The following SUPT3H variants were observed in gnomAD, a reference collection of about 807,000 sequenced individuals.
SUPT3H encodes the protein SPT3 homolog, SAGA and STAGA complex component.
In SUPT3H, 44 loss-of-function variants were observed where a neutral mutation model predicts 44.3. The ratio of observed to expected loss-of-function variants is 0.99; its 90% CI spans 0.78 to 1.28. SUPT3H has a LOEUF of 1.28. SUPT3H is among the 50% of genes most tolerant of loss of function. The pLI is 0.00. For missense variants in SUPT3H, 380 were observed against 387.1 expected, an observed-to-expected ratio of 0.98 and a Z score of 0.15; for synonymous variants, 124 against 125.6, an observed-to-expected ratio of 0.99 and a Z score of 0.09.
intron 10 of SUPT3H, among the ~76,000 whole-genome samples, chr6:44,887,372 A>G (rs1440988464): frequency 6.6e-6 from 1 of 152,228 alleles, no homozygotes; most frequent in Non-Finnish European, 1.5e-5. Flanking sequence ...TTGGAAATAA[A>G]GCTCTCCTCA....
chr6:45,355,767 A>G (rs1793039526), intron 2 of SUPT3H, among the ~76,000 whole-genome samples: 1 of 152,218 alleles, frequency 6.6e-6, no homozygotes, highest in African/African-American at 2.4e-5. Flanking sequence ...GGCAGAATAA[A>G]AAATACTATC....
intron 10 of SUPT3H, among the ~76,000 whole-genome samples, chr6:44,853,376 A>T (rs148817412): frequency 6.6e-5 from 10 of 152,278 alleles, no homozygotes; most frequent in Admixed American, 1.3e-4. Context: ...AATAAATGCA[A>T]GTGGTGCATG....
Position 45,296,738 on chromosome 6 carries a change from CAAAAAAAAAA to C in SUPT3H, c.101+68453_101+68462del, listed in dbSNP as rs60921436. Among the ~76,000 whole-genome samples the C allele has an allele frequency of 8.1e-4, 24 of 29,702 alleles. 2 individuals are homozygous for C. The highest frequency in any genetic ancestry group is 4.7e-4 in the Non-Finnish European group (7 of 14,834). The allele number at this position is 29,702 out of a possible 152,430, so 19.5% of individuals were successfully genotyped here. On this transcript the variant is annotated intron_variant, in intron 2 of 10. Coordinates refer to ENST00000371459, the MANE Select transcript of SUPT3H (RefSeq NM_003599.4). The stretch of plus-strand genomic sequence containing the variant: ...TGGCCAACAGAGTAAGACTCTGTCT[CAAAAAAAAAA>C]AAAAAAAAAAAAAAAATTACAAATA...
chr6:45,005,255 T>C (rs1782546589), intron 5 of SUPT3H, among the ~76,000 whole-genome samples: 1 of 152,188 alleles, frequency 6.6e-6, no homozygotes, highest in African/African-American at 2.4e-5. Flanking sequence ...TTTTCCCATA[T>C]GTTTGTTAGC....
Position 45,012,351 on chromosome 6 carries a change from AT to A in SUPT3H, c.364+2449del, listed in dbSNP as rs1783608422. 2.0e-5 allele frequency among the ~76,000 whole-genome samples: 3 copies of A among 151,070 alleles called. No homozygotes were observed. The South Asian group carries it at 6.3e-4, about 32-fold the overall frequency. On this transcript the variant is annotated intron_variant, in intron 5 of 10. Transcript: ENST00000371459. ...CTGAAGCTGTTAATTTTTCTTTATTATTTTTTCACTTTTTTCTTCAGATTGT... is the reference window on the plus strand; with the variant it reads ...CTGAAGCTGTTAATTTTTCTTTATTATTTTTCACTTTTTTCTTCAGATTGT...
rs185452167 is a variant in SUPT3H, at chr6:45,031,819, A to C, written c.187-11187T>G. ...TGCTCTAAGGGAAACTCACTTAGTC[A>C]TACCAGTGGAAATAGCAACCAGCTC... is the stretch of plus-strand genomic sequence containing the variant. On this transcript the variant is annotated intron_variant, in intron 3 of 10. Coordinates refer to ENST00000371459, the MANE Select transcript of SUPT3H (RefSeq NM_003599.4). Among the ~76,000 whole-genome samples, 10 of 152,336 alleles carry C rather than the reference A, an allele frequency of 6.6e-5. No homozygotes were observed. In the East Asian group the frequency reaches 1.7e-3, roughly 26 times the overall value.
intron 6 of SUPT3H, among the ~76,000 whole-genome samples, chr6:44,962,068 T>G (rs1287287463): frequency 1.3e-5 from 2 of 152,158 alleles, no homozygotes; most frequent in East Asian, 3.8e-4. Context: ...AAACTAAAAC[T>G]AAAGGACCTC....
At chr6:45,375,378 G>C (rs1431092379) in intron 1 of SUPT3H, among the ~76,000 whole-genome samples, 2 of 152,120 alleles carry the variant, frequency 1.3e-5, no homozygotes, top group Non-Finnish European at 2.9e-5. Context: ...GGAACAATCA[G>C]GCTTTATACT....
At chr6:45,014,456 C>G (rs1324381447) in intron 5 of SUPT3H, among the ~76,000 whole-genome samples, 1 of 152,104 alleles carries the variant, frequency 6.6e-6, no homozygotes, top group Non-Finnish European at 1.5e-5. Flanking sequence ...AACTGACCCT[C>G]AAGGTCACAC....
intron 2 of SUPT3H, among the ~76,000 whole-genome samples, chr6:45,168,392 T>C (rs1239631486): frequency 1.3e-5 from 2 of 152,130 alleles, no homozygotes; most frequent in South Asian, 2.1e-4. Context: ...AAACCCAAAA[T>C]GGTCCAATGA....
At chr6:45,269,087 A>T (rs1775713938) in intron 2 of SUPT3H, among the ~76,000 whole-genome samples, 1 of 152,216 alleles carries the variant, frequency 6.6e-6, no homozygotes, top group Non-Finnish European at 1.5e-5. Flanking sequence ...CAATCACCAC[A>T]GCTAGTGAAA....
chr6:44,841,944 G>A (rs1468486004), intron 10 of SUPT3H, among the ~76,000 whole-genome samples: 1 of 152,140 alleles, frequency 6.6e-6, no homozygotes, highest in South Asian at 2.1e-4. Context: ...GTCTCTGTAT[G>A]TGTGTGTGTA....
At chr6:45,352,860 T>G (rs1467859857) in intron 2 of SUPT3H, among the ~76,000 whole-genome samples, 2 of 152,102 alleles carry the variant, frequency 1.3e-5, no homozygotes, top group African/African-American at 4.8e-5. Flanking sequence ...CAGTTTTATA[T>G]ATCTATAAAA....
chr6:45,241,992 T>C (rs1770434712), intron 2 of SUPT3H, among the ~76,000 whole-genome samples: 1 of 152,208 alleles, frequency 6.6e-6, no homozygotes, highest in South Asian at 2.1e-4. Context: ...ACATGATTAA[T>C]AAGAAACCAA....
intron 3 of SUPT3H, among the ~76,000 whole-genome samples, chr6:45,075,025 C>A (rs184453007): frequency 1.3e-5 from 2 of 152,128 alleles, no homozygotes. Context: ...AATACTGTGA[C>A]TGAAGTAGAC....
At chr6:45,034,314 C>T (rs1054382958) in intron 3 of SUPT3H, among the ~76,000 whole-genome samples, 2 of 151,864 alleles carry the variant, frequency 1.3e-5, no homozygotes, top group African/African-American at 4.8e-5. Flanking sequence ...CAGTCCCCTC[C>T]CACAGGCCAA....
chr6:45,032,977 G>A (rs1259933588), intron 3 of SUPT3H, among the ~76,000 whole-genome samples: 1 of 152,174 alleles, frequency 6.6e-6, no homozygotes, highest in Non-Finnish European at 1.5e-5. Flanking sequence ...GGCACAGGAA[G>A]TAGAGTAGGA....
intron 2 of SUPT3H, among the ~76,000 whole-genome samples, chr6:45,146,125 T>C (rs114017772): frequency 0.22 from 33,154 of 152,024 alleles, 4,442 homozygotes; most frequent in Non-Finnish European, 0.31. Context: ...CTTAAAGAAC[T>C]ACAAGTAGCA....
intron 2 of SUPT3H, among the ~76,000 whole-genome samples, chr6:45,236,845 C>A (rs548915844): frequency 6.6e-6 from 1 of 152,134 alleles, no homozygotes; most frequent in African/African-American, 2.4e-5. Context: ...ACCAGGTTCT[C>A]CTTTTGTAAT....
Sources: allele counts gnomAD v4.1 joint callset (sites outside exome capture counted in the v4.1 genomes callset), GRCh38; gene constraint gnomAD v4.1.1; transcripts MANE v1.5; gene names NCBI Gene and HGNC (gene_info 2026-07-23, HGNC 2026-07-21).